MAGI2: variants seen among roughly 807,000 people sequenced by gnomAD.
MAGI2 encodes the protein membrane-associated guanylate kinase, WW and PDZ domain-containing protein 2.
Under a neutral mutation model 133.3 loss-of-function variants are expected in MAGI2, and 35 were observed. The observed-to-expected ratio is 0.26, with a 90% confidence interval of 0.20 to 0.35. The LOEUF is 0.35. Ranked by LOEUF, MAGI2 falls within the 10% of genes least tolerant of loss-of-function variation. The pLI is 1.00. For synonymous variants in MAGI2, 729 were observed against 710.6 expected, an observed-to-expected ratio of 1.03 and a Z score of -0.41; for missense variants, 1,636 against 1,863.4, an observed-to-expected ratio of 0.88 and a Z score of 2.25.
chr7:78,350,112 G>A (rs995494347), intron 7 of MAGI2: 11 of 152,260 alleles, frequency 7.2e-5, no homozygotes, highest in East Asian at 1.9e-4. Flanking sequence ...TAAAGATTCC[G>A]TTTTCTCTTT....
chr7:79,351,410 C>A (rs1841682382), intron 1 of MAGI2, among the ~76,000 whole-genome samples: 1 of 152,056 alleles, frequency 6.6e-6, no homozygotes, highest in African/African-American at 2.4e-5. Context: ...GTGATTCCAG[C>A]CTTGCTATTA....
intron 4 of MAGI2, among the ~76,000 whole-genome samples, chr7:78,516,823 C>T (rs768172219): frequency 1.3e-5 from 2 of 152,146 alleles, no homozygotes; most frequent in African/African-American, 4.8e-5. Context: ...GGATGGGAGC[C>T]AAAGGCCCTT....
intron 6 of MAGI2, among the ~76,000 whole-genome samples, chr7:78,371,905 T>C (rs1480785549): frequency 6.6e-6 from 1 of 152,082 alleles, no homozygotes; most frequent in Non-Finnish European, 1.5e-5. Context: ...AATTATACAC[T>C]AGTTCTAACT....
In MAGI2 at chr7:78,763,426, G is replaced by T. The variant is rs189021764; in HGVS notation, c.419-136187C>A. Among the ~76,000 whole-genome samples, 242 of 152,270 alleles carry T rather than the reference G, an allele frequency of 1.6e-3. 1 individual carries two copies. The highest frequency in any genetic ancestry group is 5.4e-3 in the African/African-American group (224 of 41,558). On this transcript the variant is annotated intron_variant, in intron 2 of 21. Coordinates refer to ENST00000354212, the MANE Select transcript of MAGI2 (RefSeq NM_012301.4). ...TTTTCACTTTTGAAATAAAATAGGGGTAGAAATATTTTATTTTCTGAAGCG... is the reference window on the plus strand; with the variant it reads ...TTTTCACTTTTGAAATAAAATAGGGTTAGAAATATTTTATTTTCTGAAGCG...
At chr7:78,416,461 T>A (rs1043491996) in intron 6 of MAGI2, among the ~76,000 whole-genome samples, 1 of 152,210 alleles carries the variant, frequency 6.6e-6, no homozygotes, top group African/African-American at 2.4e-5. Context: ...TCATATGAAA[T>A]GATTGTATTC....
At chr7:78,384,510 C>T (rs1231493045) in intron 6 of MAGI2, among the ~76,000 whole-genome samples, 1 of 152,152 alleles carries the variant, frequency 6.6e-6, no homozygotes, top group Non-Finnish European at 1.5e-5. Flanking sequence ...ATGTCATAGG[C>T]ATAATTCATC....
At chr7:78,237,327 T>A (rs777788546) in intron 10 of MAGI2, among the ~76,000 whole-genome samples, 3 of 152,164 alleles carry the variant, frequency 2.0e-5, no homozygotes, top group Non-Finnish European at 4.4e-5. Flanking sequence ...CATTTTAGAT[T>A]TGAGGGTACA....
At chr7:78,595,438 A>T (rs917428350) in intron 3 of MAGI2, among the ~76,000 whole-genome samples, 71 of 152,302 alleles carry the variant, frequency 4.7e-4, no homozygotes, top group African/African-American at 1.6e-3. Context: ...CTCTCATCTA[A>T]CAAGTTTAAT....
At chr7:78,954,675 AT>A (rs1380851834) in intron 2 of MAGI2, among the ~76,000 whole-genome samples, 1 of 152,108 alleles carries the variant, frequency 6.6e-6, no homozygotes, top group East Asian at 1.9e-4. Context: ...CTAGAGAATA[AT>A]TTTTCCCTGC....
intron 1 of MAGI2, among the ~76,000 whole-genome samples, chr7:79,244,488 C>T (rs555237715): frequency 2.6e-5 from 4 of 152,124 alleles, no homozygotes; most frequent in Admixed American, 2.0e-4. Flanking sequence ...TGCATTGGAA[C>T]TTAGTGCTGA....
intron 1 of MAGI2, among the ~76,000 whole-genome samples, chr7:79,129,336 T>C (rs527532369): frequency 6.6e-6 from 1 of 152,348 alleles, no homozygotes; most frequent in East Asian, 1.9e-4. Context: ...TGCACCATCA[T>C]GCCATCCAAA....
intron 9 of MAGI2, among the ~76,000 whole-genome samples, chr7:78,295,673 C>T (rs1177132491): frequency 6.6e-6 from 1 of 152,116 alleles, no homozygotes; most frequent in Non-Finnish European, 1.5e-5. Context: ...TTTGTTCATA[C>T]TTTTAGTCCA....
intron 2 of MAGI2, among the ~76,000 whole-genome samples, chr7:78,970,124 C>T (rs1027599092): frequency 6.6e-6 from 1 of 151,962 alleles, no homozygotes; most frequent in African/African-American, 2.4e-5. Context: ...TCCTATGTTA[C>T]CTGGCATTAT....
chr7:79,148,315 G>A (rs1237696207), intron 1 of MAGI2, among the ~76,000 whole-genome samples: 1 of 152,124 alleles, frequency 6.6e-6, no homozygotes, highest in African/African-American at 2.4e-5. Context: ...GCCAATTCCT[G>A]TCATTGAATC....
In MAGI2 at chr7:79,342,697, C is replaced by G. The variant is rs139627465; in HGVS notation, c.301+110323G>C. Among the ~76,000 whole-genome samples, 177 of 152,160 alleles carry G rather than the reference C, an allele frequency of 1.2e-3. 1 individual carries two copies. Among genetic ancestry groups the G allele is most frequent in the African/African-American group, 4.0e-3 (167 of 41,536 alleles). ...TTACTTTTTCTTCATGTTCAAAACA[C>G]TAGTCTCTTCACTAATTATTATGAG... On this transcript the variant is annotated intron_variant, in intron 1 of 21. Coordinates refer to ENST00000354212, the MANE Select transcript of MAGI2 (RefSeq NM_012301.4).
intron 2 of MAGI2, among the ~76,000 whole-genome samples, chr7:78,657,667 T>C (rs1812453037): frequency 6.6e-6 from 1 of 152,142 alleles, no homozygotes; most frequent in African/African-American, 2.4e-5. Flanking sequence ...AAGGAAGGCA[T>C]AAATAGGCAG....
intron 20 of MAGI2, among the ~76,000 whole-genome samples, chr7:78,103,423 G>T (rs776415394): frequency 1.3e-5 from 2 of 152,100 alleles, no homozygotes. Flanking sequence ...TGATCCTTCC[G>T]ACACTTCCCT....
At chr7:78,856,977 A>T (rs1042827627) in intron 2 of MAGI2, among the ~76,000 whole-genome samples, 5 of 152,114 alleles carry the variant, frequency 3.3e-5, no homozygotes, top group Admixed American at 6.5e-5. Context: ...GATCCCTTGT[A>T]AGTTGGATTC....
chr7:78,570,061 T>A (rs777220030), intron 3 of MAGI2, among the ~76,000 whole-genome samples: 1 of 152,210 alleles, frequency 6.6e-6, no homozygotes, highest in Non-Finnish European at 1.5e-5. Context: ...TGGCTTATTT[T>A]CACTTCATAA....
Sources: gnomAD v4.1 joint callset for allele counts (sites outside exome capture counted in the v4.1 genomes callset) on GRCh38, gnomAD v4.1.1 for gene constraint, MANE v1.5 for transcripts, NCBI Gene and HGNC (gene_info 2026-07-23, HGNC 2026-07-21) for gene names.